The following MCTP1 variants were observed in gnomAD, a reference collection of about 807,000 sequenced individuals.
MCTP1 encodes the protein multiple C2 and transmembrane domain-containing protein 1.
Under a neutral mutation model 120.6 loss-of-function variants are expected in MCTP1, and 69 were observed. That is an observed-to-expected ratio of 0.57 (90% CI 0.47 to 0.70). The LOEUF (loss-of-function observed/expected upper bound fraction) is 0.70, where lower values mean the gene tolerates loss of function less well. MCTP1 is among the 30% of genes least tolerant of loss of function. The probability of loss-of-function intolerance (pLI) is 0.00; values close to 1 mark genes in which losing one functional copy is unlikely to be tolerated. For missense variants in MCTP1, 1,203 were observed against 1,248.8 expected, an observed-to-expected ratio of 0.96 and a Z score of 0.55; for synonymous variants, 529 against 493.1, an observed-to-expected ratio of 1.07 and a Z score of -0.96.
intron 19 of MCTP1, among the ~76,000 whole-genome samples, chr5:94,755,899 C>A (rs949233185): frequency 2.6e-5 from 4 of 152,080 alleles, no homozygotes; most frequent in Non-Finnish European, 4.4e-5. Flanking sequence ...TGCTAGAATA[C>A]CTTATTCGAT....
At chr5:94,850,498 T>C (rs959478843) in intron 17 of MCTP1, among the ~76,000 whole-genome samples, 5 of 152,048 alleles carry the variant, frequency 3.3e-5, no homozygotes, top group Non-Finnish European at 7.4e-5. Context: ...ACAATTAGCA[T>C]GGAGGGGGAA....
At chr5:94,979,555 A>G (rs1380216586) in intron 2 of MCTP1, 1 of 152,116 alleles carries the variant, frequency 6.6e-6, no homozygotes, top group East Asian at 1.9e-4. Flanking sequence ...CTCCTTTAAA[A>G]TTAGGAGTGG....
intron 2 of MCTP1, among the ~76,000 whole-genome samples, chr5:94,984,174 AT>A (rs1344281959): frequency 6.6e-6 from 1 of 152,258 alleles, no homozygotes; most frequent in African/African-American, 2.4e-5. Context: ...TTCCAGACTT[AT>A]TACTCTCCCA....
chr5:95,136,372 G>C (rs568111637), intron 1 of MCTP1, among the ~76,000 whole-genome samples: 15 of 152,292 alleles, frequency 9.8e-5, no homozygotes, highest in East Asian at 1.9e-4. Context: ...ATTCAGGAAG[G>C]GTTCAGGCTT....
At position 94,923,950 on chromosome 5, in the gene MCTP1, T is replaced by C. The variant is rs1202090239; in HGVS notation, c.1272+12A>G. 6.7e-7 allele frequency: 1 copy of C among 1,497,116 alleles called. No homozygotes were observed. Among genetic ancestry groups the C allele is most frequent in the East Asian group, 2.5e-5 (1 of 39,444 alleles). 92.7% of individuals were successfully genotyped at this position (1,497,116 alleles called of 1,614,324 possible). A position where few individuals can be genotyped will look rare whatever the true frequency, so the allele number is the denominator to read the frequency against. ...AAATCAAGAATATTAACAAAAAGGATTTAGACATTACCCTCCAAAAGAGAG... is the reference window on the plus strand; with the variant it reads ...AAATCAAGAATATTAACAAAAAGGACTTAGACATTACCCTCCAAAAGAGAG... On this transcript the variant is annotated intron_variant, in intron 7 of 22. Coordinates refer to ENST00000515393, the MANE Select transcript of MCTP1 (RefSeq NM_024717.7).
chr5:94,990,007 G>A (rs1397586004), intron 2 of MCTP1, among the ~76,000 whole-genome samples: 1 of 152,132 alleles, frequency 6.6e-6, no homozygotes, highest in African/African-American at 2.4e-5. Context: ...ACCAGTAACA[G>A]CATGTAAACT....
chr5:95,049,305 A>G (rs1399909897), intron 1 of MCTP1, among the ~76,000 whole-genome samples: 1 of 152,062 alleles, frequency 6.6e-6, no homozygotes, highest in Non-Finnish European at 1.5e-5. Context: ...AAGGAAAACA[A>G]CCTCCTAGTC....
chr5:95,166,078 T>C (rs1582412991), intron 1 of MCTP1: 1 of 152,210 alleles, frequency 6.6e-6, no homozygotes, highest in Non-Finnish European at 1.5e-5. Flanking sequence ...TAAATTGTCT[T>C]TATAAATGCA....
chr5:94,912,428 C>A (rs1481111182), intron 9 of MCTP1, among the ~76,000 whole-genome samples: 5 of 31,450 alleles, frequency 1.6e-4, no homozygotes, highest in East Asian at 2.0e-3. Context: ...GAGACTCCAT[C>A]AAAAAAAAAA....
At chr5:95,179,159 C>T (rs1748339553) in intron 1 of MCTP1, among the ~76,000 whole-genome samples, 2 of 152,140 alleles carry the variant, frequency 1.3e-5, no homozygotes, top group South Asian at 4.1e-4. Flanking sequence ...ATGAACAAAG[C>T]CTCCAAGAAG....
intron 1 of MCTP1, among the ~76,000 whole-genome samples, chr5:95,109,542 A>G (rs1462793718): frequency 1.3e-5 from 2 of 152,156 alleles, no homozygotes; most frequent in African/African-American, 4.8e-5. Context: ...TTTTCTAACC[A>G]TAAATTGAAA....
intron 17 of MCTP1, among the ~76,000 whole-genome samples, chr5:94,809,240 T>G (rs1361966149): frequency 6.6e-6 from 1 of 152,032 alleles, no homozygotes; most frequent in Admixed American, 6.5e-5. Context: ...GGAAGTTATT[T>G]ATTTAAATGT....
At chr5:95,065,412 G>A (rs991515278) in intron 1 of MCTP1, among the ~76,000 whole-genome samples, 1 of 151,948 alleles carries the variant, frequency 6.6e-6, no homozygotes, top group Non-Finnish European at 1.5e-5. Flanking sequence ...TGATAAAACA[G>A]TATGACCAAT....
chr5:95,103,849 C>T (rs1756915088), intron 1 of MCTP1, among the ~76,000 whole-genome samples: 1 of 152,104 alleles, frequency 6.6e-6, no homozygotes, highest in African/African-American at 2.4e-5. Flanking sequence ...GTTCTATGAG[C>T]ACAATGGCTT....
At chr5:94,981,913 TA>T (rs952355605) in intron 2 of MCTP1, among the ~76,000 whole-genome samples, 2 of 152,106 alleles carry the variant, frequency 1.3e-5, no homozygotes, top group African/African-American at 4.8e-5. Flanking sequence ...TTTCTTCAAG[TA>T]AATTAAAATA....
intron 1 of MCTP1, among the ~76,000 whole-genome samples, chr5:95,139,366 C>T (rs892460323): frequency 1.3e-5 from 2 of 152,090 alleles, no homozygotes; most frequent in Admixed American, 6.6e-5. Context: ...CTTTTCTTTC[C>T]GGCAAATGCA....
At chr5:95,071,401 G>A (rs912720848) in intron 1 of MCTP1, among the ~76,000 whole-genome samples, 4 of 152,010 alleles carry the variant, frequency 2.6e-5, no homozygotes, top group Non-Finnish European at 4.4e-5. Context: ...CAAACAGCGG[G>A]GAAACAAAAA....
At chr5:95,151,764 C>T (rs1436770206) in intron 1 of MCTP1, among the ~76,000 whole-genome samples, 1 of 152,154 alleles carries the variant, frequency 6.6e-6, no homozygotes, top group African/African-American at 2.4e-5. Flanking sequence ...AAGCAAAATC[C>T]TTCTTTCCAC....
chr5:95,091,398 G>A (rs1755832451), intron 1 of MCTP1, among the ~76,000 whole-genome samples: 1 of 152,166 alleles, frequency 6.6e-6, no homozygotes, highest in South Asian at 2.1e-4. Context: ...CAAGAGGTGG[G>A]ATCTATGTCT....
Sources: gnomAD v4.1 joint callset for allele counts (sites outside exome capture counted in the v4.1 genomes callset) on GRCh38, gnomAD v4.1.1 for gene constraint, MANE v1.5 for transcripts, NCBI Gene and HGNC (gene_info 2026-07-23, HGNC 2026-07-21) for gene names.